Variants in RBM20 observed in about 807,000 individuals in gnomAD.
The protein encoded by RBM20 is RNA binding motif protein 20.
Under a neutral mutation model 110.1 loss-of-function variants are expected in RBM20, and 51 were observed. That is an observed-to-expected ratio of 0.46 (90% CI 0.37 to 0.59). The LOEUF is 0.59. Among genes scored for constraint, RBM20 ranks in the 20% least tolerant of loss-of-function variants. The pLI is 0.00. For synonymous variants in RBM20, 589 were observed against 618.2 expected, an observed-to-expected ratio of 0.95 and a Z score of 0.70; for missense variants, 1,512 against 1,574.9, an observed-to-expected ratio of 0.96 and a Z score of 0.68.
At position 110,720,996 on chromosome 10, in the gene RBM20, C is replaced by T. The variant is rs140478899; in HGVS notation, c.192-59805C>T. On this transcript the variant is annotated intron_variant, in intron 1 of 13. Coordinates refer to ENST00000369519, the MANE Select transcript of RBM20 (RefSeq NM_001134363.3). ...CTTGCTCTTCCTCAGGTATGACCTT[C>T]GCTCCCTGCTGCCTGGAACCCTCTC... Among the ~76,000 whole-genome samples the T allele has an allele frequency of 9.3e-3, 1,419 of 152,304 alleles. 65 individuals are homozygous for T. The highest frequency in any genetic ancestry group is 0.074 in the Admixed American group (1,128 of 15,300).
At chr10:110,697,811 C>G (rs560694236) in intron 1 of RBM20, among the ~76,000 whole-genome samples, 1 of 152,178 alleles carries the variant, frequency 6.6e-6, no homozygotes, top group Non-Finnish European at 1.5e-5. Context: ...TGCCTCCCTC[C>G]CCTGATTTTA....
intron 1 of RBM20, among the ~76,000 whole-genome samples, chr10:110,720,177 T>C (rs1449697023): frequency 6.6e-6 from 1 of 152,210 alleles, no homozygotes; most frequent in Non-Finnish European, 1.5e-5. Context: ...ATATGGGTTT[T>C]GGGAGAACTC....
chr10:110,779,697 CA>C (rs1393020148), intron 1 of RBM20, among the ~76,000 whole-genome samples: 1 of 152,168 alleles, frequency 6.6e-6, no homozygotes, highest in Non-Finnish European at 1.5e-5. Flanking sequence ...GGCAGACACC[CA>C]GCTGGTGTCC....
intron 10 of RBM20, 32 bp from the exon 11 acceptor site, chr10:110,821,243 C>T: frequency 6.5e-7 from 1 of 1,537,088 alleles, no homozygotes; most frequent in Non-Finnish European, 8.8e-7. Context: ...CTCTCAACCA[C>T]CCTCTGACCT....
At chr10:110,765,906 T>G (rs1294986040) in intron 1 of RBM20, among the ~76,000 whole-genome samples, 1 of 152,206 alleles carries the variant, frequency 6.6e-6, no homozygotes, top group Non-Finnish European at 1.5e-5. Flanking sequence ...TTCACACACT[T>G]GCCCTTCCCC....
Position 110,644,825 on chromosome 10 carries a change from G to A in RBM20, c.191+180G>A, listed in dbSNP as rs979161909. ...TTCTGGCTGTTTGTTAGGCTGGAAA[G>A]AGGGGAGCCAAGTTCTTTAGGGAAA... is the stretch of plus-strand genomic sequence containing the variant. On this transcript the variant is annotated intron_variant, in intron 1 of 13. Coordinates refer to ENST00000369519, the MANE Select transcript of RBM20 (RefSeq NM_001134363.3). This position sits in a 1 kb window ranked among gnomAD's most constrained non-coding sequence, Gnocchi z 4.3. 4.6e-5 allele frequency among the ~76,000 whole-genome samples: 7 copies of A among 152,188 alleles called. No homozygotes were observed. The highest frequency in any genetic ancestry group is 2.6e-4 in the Admixed American group (4 of 15,286).
chr10:110,678,362 G>A (rs567860111), intron 1 of RBM20, among the ~76,000 whole-genome samples: 17 of 152,336 alleles, frequency 1.1e-4, no homozygotes, highest in African/African-American at 3.4e-4. Context: ...GTTTCAAGAC[G>A]TACTTGAGCT....
At chr10:110,767,772 G>A (rs2135017054) in intron 1 of RBM20, among the ~76,000 whole-genome samples, 1 of 152,226 alleles carries the variant, frequency 6.6e-6, no homozygotes, top group East Asian at 1.9e-4. Context: ...AGATGGGATG[G>A]CAGCCGAGAA....
chr10:110,752,920 CATATAT>C (rs760317651), intron 1 of RBM20, among the ~76,000 whole-genome samples: 1,364 of 125,148 alleles, frequency 0.011, 17 homozygotes, highest in Middle Eastern at 0.025. Context: ...TATATTTATA[CATATAT>C]ATATATATAT....
At chr10:110,730,422 C>T (rs574929335) in intron 1 of RBM20, among the ~76,000 whole-genome samples, 1 of 152,268 alleles carries the variant, frequency 6.6e-6, no homozygotes, top group Non-Finnish European at 1.5e-5. Flanking sequence ...TCCAGAATGC[C>T]CCTCCCCCTT....
intron 9 of RBM20, among the ~76,000 whole-genome samples, chr10:110,813,685 A>G (rs566502044): frequency 6.6e-6 from 1 of 152,150 alleles, no homozygotes; most frequent in East Asian, 1.9e-4. Context: ...AAATACAAAA[A>G]TTAGCCAGGC....
intron 1 of RBM20, among the ~76,000 whole-genome samples, chr10:110,741,759 G>C (rs1009465544): frequency 6.8e-6 from 1 of 146,908 alleles, no homozygotes; most frequent in African/African-American, 2.6e-5. Flanking sequence ...CTTTCACCAA[G>C]CCTGAGCTCA....
chr10:110,793,169 C>T (rs1174966580), intron 5 of RBM20, among the ~76,000 whole-genome samples: 5 of 152,204 alleles, frequency 3.3e-5, no homozygotes, highest in Non-Finnish European at 7.3e-5. Flanking sequence ...TAGTTTGTCT[C>T]TGTCATGCAC....
chr10:110,714,689 G>A (rs1288861528), intron 1 of RBM20, among the ~76,000 whole-genome samples: 4 of 152,224 alleles, frequency 2.6e-5, no homozygotes, highest in Non-Finnish European at 5.9e-5. Flanking sequence ...GCAGCAGATA[G>A]AGTACCAGGT....
intron 1 of RBM20, among the ~76,000 whole-genome samples, chr10:110,700,866 T>C (rs1479095597): frequency 6.6e-6 from 1 of 152,064 alleles, no homozygotes; most frequent in African/African-American, 2.4e-5. Context: ...AATAAAAAAA[T>C]TAGCCAGCCA....
intron 1 of RBM20, among the ~76,000 whole-genome samples, chr10:110,776,862 C>T (rs1415889712): frequency 6.6e-6 from 1 of 152,134 alleles, no homozygotes; most frequent in East Asian, 1.9e-4. Context: ...TGTACTGAAG[C>T]TCCTGCATTG....
chr10:110,751,552 T>G (rs1184153060), intron 1 of RBM20, among the ~76,000 whole-genome samples: 1 of 152,220 alleles, frequency 6.6e-6, no homozygotes, highest in Non-Finnish European at 1.5e-5. Context: ...TAATTATGCC[T>G]CTATAATCTG....
rs1554894037 is a variant in RBM20 at position 110,734,618 on chromosome 10, C to CTTT, written c.192-46167_192-46165dup. The stretch of plus-strand genomic sequence containing the variant: ...CATGGAACCAATATAAAAATTCCCT[C>CTTT]TTTTTTTTTTTTTTTTTTGAGAGTG... On this transcript the variant is annotated intron_variant, in intron 1 of 13. Transcript: ENST00000369519. Among the ~76,000 whole-genome samples, 16 of 136,534 alleles carry CTTT rather than the reference C, an allele frequency of 1.2e-4. 1 individual carries two copies. The highest frequency in any genetic ancestry group is 1.4e-4 in the Non-Finnish European group (9 of 63,578). The allele number at this position is 136,534 out of a possible 152,430, so 89.6% of individuals were successfully genotyped here. A position where few individuals can be genotyped will look rare whatever the true frequency, so the allele number is the denominator to read the frequency against.
At chr10:110,660,608 C>T (rs767019695) in intron 1 of RBM20, among the ~76,000 whole-genome samples, 2 of 151,990 alleles carry the variant, frequency 1.3e-5, no homozygotes, top group East Asian at 1.9e-4. Flanking sequence ...GAGGGCAAAT[C>T]CTATTGTGAA....
Sources: gnomAD v4.1 joint callset for allele counts (sites outside exome capture counted in the v4.1 genomes callset) on GRCh38, gnomAD v4.1.1 for gene constraint, Gnocchi (gnomAD v3.1) non-coding constraint, MANE v1.5 for transcripts, NCBI Gene and HGNC (gene_info 2026-07-23, HGNC 2026-07-21) for gene names.